The following NRF1 variants were observed in gnomAD, a reference collection of about 807,000 sequenced individuals.
NRF1 encodes the protein nuclear respiratory factor 1, also known as alpha palindromic-binding protein.
A neutral mutation model predicts 58.5 loss-of-function variants in NRF1; 5 were observed. The ratio of observed to expected loss-of-function variants is 0.09; its 90% CI spans 0.04 to 0.18. NRF1 has a LOEUF of 0.18. Among genes scored for constraint, NRF1 ranks in the 10% least tolerant of loss-of-function variants. NRF1 has a pLI of 1.00. For missense variants in NRF1, 288 were observed against 657.7 expected, an observed-to-expected ratio of 0.44 and a Z score of 6.15; for synonymous variants, 224 against 246.7, an observed-to-expected ratio of 0.91 and a Z score of 0.86.
chr7:129,673,544 C>T (rs1189229050), intron 3 of NRF1, among the ~76,000 whole-genome samples: 1 of 151,326 alleles, frequency 6.6e-6, no homozygotes, highest in Non-Finnish European at 1.5e-5. Flanking sequence ...GGTGAAACCT[C>T]GTCTCTACTA....
intron 5 of NRF1, among the ~76,000 whole-genome samples, chr7:129,707,032 C>T (rs898032193): frequency 7.2e-5 from 11 of 152,158 alleles, no homozygotes; most frequent in African/African-American, 2.7e-4. Flanking sequence ...CTCACTCTGT[C>T]ACCCAGGCTG....
At chr7:129,628,579 T>C (rs1364497921) in intron 1 of NRF1, among the ~76,000 whole-genome samples, 1 of 152,236 alleles carries the variant, frequency 6.6e-6, no homozygotes, top group African/African-American at 2.4e-5. Context: ...CTTTAATGTC[T>C]GGCTTAAGAG....
chr7:129,614,469 A>AGTGTGTGTGTGTGTGTGTG (rs1800619265), intron 1 of NRF1, among the ~76,000 whole-genome samples: 1 of 16,758 alleles, frequency 6.0e-5, no homozygotes, highest in African/African-American at 2.1e-4. Context: ...GTGTGTGTAC[A>AGTGTGTGTGTGTGTGTGTG]TACATATATA....
At chr7:129,628,779 G>A (rs73721770) in intron 1 of NRF1, among the ~76,000 whole-genome samples, 23,092 of 152,168 alleles carry the variant, frequency 0.15, 1,890 homozygotes, top group African/African-American at 0.23. Context: ...TTAAAGATGA[G>A]TTGCAATGTG....
At chr7:129,626,905 A>G (rs1800932091) in intron 1 of NRF1, among the ~76,000 whole-genome samples, 1 of 152,232 alleles carries the variant, frequency 6.6e-6, no homozygotes, top group Admixed American at 6.5e-5. Flanking sequence ...AATGATTTTC[A>G]TATCTACTAG....
At chr7:129,667,183 T>C (rs1801942143) in intron 2 of NRF1, among the ~76,000 whole-genome samples, 1 of 152,234 alleles carries the variant, frequency 6.6e-6, no homozygotes, top group African/African-American at 2.4e-5. Flanking sequence ...TTCCAAATCC[T>C]GTTCATTTAC....
chr7:129,630,956 T>C lies in NRF1; in HGVS notation c.-7+19132T>C, dbSNP rs539587830. On this transcript the variant is annotated intron_variant, in intron 1 of 10. Coordinates refer to ENST00000393232, the MANE Select transcript of NRF1 (RefSeq NM_005011.5). ...AGTTTGACCTCCTTTTTGTCCTAAA[T>C]TGATTTTAAATCAGTATCAAATGCT... Among the ~76,000 whole-genome samples, 10 of 152,318 alleles carry C rather than the reference T, an allele frequency of 6.6e-5. No individual in the cohort carries two copies. In the East Asian group the frequency reaches 1.5e-3, roughly 24 times the overall value.
At chr7:129,730,820 T>G (rs1269403025) in intron 10 of NRF1, among the ~76,000 whole-genome samples, 1 of 151,422 alleles carries the variant, frequency 6.6e-6, no homozygotes, top group African/African-American at 2.4e-5. Context: ...TACAAAAATT[T>G]TAAAAAATTA....
intron 4 of NRF1, among the ~76,000 whole-genome samples, chr7:129,687,370 G>A (rs1475496050): frequency 6.6e-6 from 1 of 151,594 alleles, no homozygotes; most frequent in Non-Finnish European, 1.5e-5. Flanking sequence ...CCACCTCCCG[G>A]GTTCAAGCAA....
At chr7:129,727,085 G>A (rs1418414433) in intron 9 of NRF1, among the ~76,000 whole-genome samples, 156 bp from the exon 10 acceptor site, 1 of 152,170 alleles carries the variant, frequency 6.6e-6, no homozygotes, top group Non-Finnish European at 1.5e-5. Flanking sequence ...ATTACTCTTG[G>A]CTTTATCTAT....
chr7:129,739,566 T>C (rs974663579), intron 10 of NRF1, among the ~76,000 whole-genome samples: 4 of 150,860 alleles, frequency 2.7e-5, no homozygotes, highest in African/African-American at 9.7e-5. Context: ...AATCTACCCA[T>C]GTGACTGCAG....
At chr7:129,721,451 A>G (rs1256178331) in intron 9 of NRF1, among the ~76,000 whole-genome samples, 1 of 149,996 alleles carries the variant, frequency 6.7e-6, no homozygotes, top group African/African-American at 2.4e-5. Context: ...TTTAAAAGTC[A>G]TATTTTGAAA....
intron 1 of NRF1, among the ~76,000 whole-genome samples, chr7:129,635,135 A>T (rs1801140695): frequency 6.6e-6 from 1 of 152,108 alleles, no homozygotes; most frequent in African/African-American, 2.4e-5. Context: ...GCGGTTGGGG[A>T]TGGTTGAGAT....
chr7:129,662,013 A>G (rs766402619), intron 2 of NRF1, among the ~76,000 whole-genome samples: 3 of 150,730 alleles, frequency 2.0e-5, no homozygotes, highest in Non-Finnish European at 4.4e-5. Flanking sequence ...AACAGCAGTC[A>G]AAGAGTGAGA....
chr7:129,622,702 T>C (rs558588991), intron 1 of NRF1, among the ~76,000 whole-genome samples: 1 of 152,036 alleles, frequency 6.6e-6, no homozygotes, highest in Non-Finnish European at 1.5e-5. Context: ...CCTGAGTAGC[T>C]GGGATTACAG....
intron 5 of NRF1, among the ~76,000 whole-genome samples, chr7:129,708,316 A>ATAAGAATGGCAGTTGTCTT (rs1802998070): frequency 6.6e-6 from 1 of 152,256 alleles, no homozygotes; most frequent in Admixed American, 6.5e-5. Context: ...ATGCCAGGAA[A>ATAAGAATGGCAGTTGTCTT]TAAGAATGGC....
At chr7:129,708,304 C>T (rs1412691566) in intron 5 of NRF1, among the ~76,000 whole-genome samples, 3 of 152,200 alleles carry the variant, frequency 2.0e-5, no homozygotes, top group Non-Finnish European at 4.4e-5. Flanking sequence ...AGTGTGGTTA[C>T]TATGCCAGGA....
rs1179454140 is a variant in NRF1, at chr7:129,671,484, G to A, written c.279G>A (p.Arg93=). Residue 93 remains arginine (R), a synonymous_variant, in exon 3 of 11, where the codon CGG becomes CGA. Transcript: ENST00000393232. ...TGGCAACAGGAAAGAAACGGAAACG[G>A]CCTCATGTATTTGAGTCTAATCCAT... ...AAVATGKKRK[R]PHVFESNPSI... 6.2e-7 allele frequency: 1 copy of A among 1,614,110 alleles called. No homozygotes were observed. The highest frequency in any genetic ancestry group is 1.7e-5 in the Admixed American group (1 of 60,018).
chr7:129,729,842 T>G (rs1028933931), intron 10 of NRF1, among the ~76,000 whole-genome samples: 7 of 152,206 alleles, frequency 4.6e-5, no homozygotes, highest in African/African-American at 1.7e-4. Flanking sequence ...TTTTTGTTTT[T>G]GTTTTTGTTT....
Sources: allele counts gnomAD v4.1 joint callset (sites outside exome capture counted in the v4.1 genomes callset), GRCh38; gene constraint gnomAD v4.1.1; transcripts MANE v1.5; gene names NCBI Gene and HGNC (gene_info 2026-07-23, HGNC 2026-07-21).